Variants in TNKS observed in about 807,000 individuals in gnomAD.
TNKS encodes poly [ADP-ribose] polymerase tankyrase-1.
Under a neutral mutation model 135.8 loss-of-function variants are expected in TNKS, and 72 were observed. That is an observed-to-expected ratio of 0.53 (90% CI 0.44 to 0.64). The LOEUF (loss-of-function observed/expected upper bound fraction) is 0.64. Ranked by LOEUF, TNKS falls within the 30% of genes least tolerant of loss-of-function variation. The probability of loss-of-function intolerance (pLI) is 0.00; values close to 1 mark genes in which losing one functional copy is unlikely to be tolerated. For missense variants in TNKS, 1,769 were observed against 1,674.0 expected (o/e 1.06, Z -0.99); for synonymous variants, 849 against 649.3 (o/e 1.31, Z -4.68).
At chr8:9,569,859 T>A (rs939192857) in intron 1 of TNKS, among the ~76,000 whole-genome samples, 1 of 151,974 alleles carries the variant, frequency 6.6e-6, no homozygotes, top group Admixed American at 6.5e-5. Context: ...TTTCCTGGCT[T>A]GTTTTAAAAT....
chr8:9,555,953 G>C lies in TNKS; in HGVS notation c.14G>C (p.Arg5Pro). Residue 5 changes from arginine (R) to proline (P), a missense_variant, in exon 1 of 27, where the codon CGT becomes CCT. Physicochemically the swap from Arg to Pro is moderately radical, Grantham distance 103. Around this residue, in one of 5 missense-constraint regions of TNKS, gnomAD observed 450 missense variants for 304.9 expected, o/e 1.48. Coordinates refer to ENST00000310430, the MANE Select transcript of TNKS (RefSeq NM_003747.3). Reference sequence around the variant, plus strand: ...GGGAGTCCGAAGATGGCGGCGTCGCGTCGCTCTCAGCATCATCACCACCAT... The same window carrying C: ...GGGAGTCCGAAGATGGCGGCGTCGCCTCGCTCTCAGCATCATCACCACCAT... MAAS[R>P]RSQHHHHHHQ... 2.5e-6 allele frequency: 4 copies of C among 1,611,862 alleles called. No homozygotes were observed. The highest frequency in any genetic ancestry group is 3.4e-6 in the Non-Finnish European group (4 of 1,179,318).
chr8:9,706,738 A>G (rs1804065318), intron 7 of TNKS, 73 bp from the exon 8 acceptor site: 7 of 1,410,356 alleles, frequency 5.0e-6, no homozygotes, highest in Non-Finnish European at 6.8e-6. Flanking sequence ...TTACAAAGAA[A>G]TAAATGTCTT....
chr8:9,735,538 C>T lies in TNKS; in HGVS notation c.2643+52C>T, dbSNP rs375944228. On this transcript the variant is annotated intron_variant, in intron 17 of 26. Coordinates refer to ENST00000310430, the MANE Select transcript of TNKS (RefSeq NM_003747.3). ...AAAACTGACCGCACGCGGTGGCTCA[C>T]GCCTGTAATCCCAGCACTTTAGGAG... 111 of 1,418,784 alleles carry T rather than the reference C, an allele frequency of 7.8e-5. No homozygotes were observed. The African/African-American group carries it at 9.9e-4, about 13-fold the overall frequency. The allele number at this position is 1,418,784 out of a possible 1,614,324, so 87.9% of individuals were successfully genotyped here. A position where few individuals can be genotyped will look rare whatever the true frequency, so the allele number is the denominator to read the frequency against.
At chr8:9,744,479 C>G (rs1450977947) in intron 17 of TNKS, among the ~76,000 whole-genome samples, 1 of 152,194 alleles carries the variant, frequency 6.6e-6, no homozygotes, top group East Asian at 1.9e-4. Context: ...TCTCTTTCCC[C>G]TACTTCCCAC....
At chr8:9,673,532 C>T (rs1243565931) in intron 3 of TNKS, among the ~76,000 whole-genome samples, 3 of 149,430 alleles carry the variant, frequency 2.0e-5, no homozygotes, top group Admixed American at 6.7e-5. Context: ...GCAACCTCTG[C>T]CTCCCAGGTT....
chr8:9,740,158 G>C (rs71516536), intron 17 of TNKS, among the ~76,000 whole-genome samples: 3 of 151,028 alleles, frequency 2.0e-5, no homozygotes, highest in Middle Eastern at 3.4e-3. Flanking sequence ...CCTTGATGCC[G>C]TATGTCAGAA....
intron 3 of TNKS, among the ~76,000 whole-genome samples, chr8:9,634,626 C>G (rs1168096936): frequency 6.6e-6 from 1 of 152,112 alleles, no homozygotes; most frequent in African/African-American, 2.4e-5. Flanking sequence ...AGGGGGAAGA[C>G]AGAGGAGAAA....
At chr8:9,703,696 G>A (rs1217567292) in intron 5 of TNKS, among the ~76,000 whole-genome samples, 1 of 152,140 alleles carries the variant, frequency 6.6e-6, no homozygotes, top group Non-Finnish European at 1.5e-5. Context: ...TGGAATAGGT[G>A]AAGCAAATAA....
chr8:9,736,081 A>C (rs1388495552), intron 17 of TNKS, among the ~76,000 whole-genome samples: 1 of 71,566 alleles, frequency 1.4e-5, no homozygotes, highest in Non-Finnish European at 3.5e-5. Flanking sequence ...CAATATTGTA[A>C]TATAATATAT....
intron 2 of TNKS, among the ~76,000 whole-genome samples, chr8:9,589,874 T>A (rs1487923369): frequency 6.6e-6 from 1 of 152,256 alleles, no homozygotes; most frequent in African/African-American, 2.4e-5. Context: ...GATAATATGT[T>A]TCTATAGCTG....
chr8:9,601,733 C>CA (rs529715602), intron 2 of TNKS, among the ~76,000 whole-genome samples: 3 of 152,008 alleles, frequency 2.0e-5, no homozygotes, highest in Non-Finnish European at 4.4e-5. Context: ...AGTCAGTACT[C>CA]AAAGATATAT....
chr8:9,707,525 A>G (rs766987172), intron 8 of TNKS, among the ~76,000 whole-genome samples: 35 of 152,192 alleles, frequency 2.3e-4, no homozygotes, highest in Admixed American at 1.1e-3. Context: ...CATGTGTGTT[A>G]TGACCCAAGT....
chr8:9,722,068 AAG>A (rs201692431), intron 12 of TNKS, among the ~76,000 whole-genome samples: 98,615 of 145,056 alleles, frequency 0.68, 33,548 homozygotes, highest in Middle Eastern at 0.78. Flanking sequence ...ACAAAAAAAA[AAG>A]AAAAGAAAAG....
chr8:9,753,155 C>T (rs1053879900), intron 20 of TNKS, among the ~76,000 whole-genome samples: 1 of 152,074 alleles, frequency 6.6e-6, no homozygotes, highest in Admixed American at 6.5e-5. Context: ...TAGCACTATG[C>T]ATTTTATTAC....
At chr8:9,581,366 A>G (rs1798158769) in intron 2 of TNKS, among the ~76,000 whole-genome samples, 1 of 152,156 alleles carries the variant, frequency 6.6e-6, no homozygotes, top group Admixed American at 6.5e-5. Context: ...ATCCACTAAC[A>G]TGACCTTTGG....
chr8:9,563,702 G>A (rs975425607), intron 1 of TNKS, among the ~76,000 whole-genome samples: 8 of 151,816 alleles, frequency 5.3e-5, no homozygotes, highest in African/African-American at 1.9e-4. Flanking sequence ...CATGCTATAC[G>A]TTCATATCTT....
At chr8:9,753,441 A>G (rs902930366) in intron 20 of TNKS, among the ~76,000 whole-genome samples, 1 of 152,216 alleles carries the variant, frequency 6.6e-6, no homozygotes, top group Admixed American at 6.5e-5. Context: ...GACCCACCCT[A>G]TTTTGGGATC....
intron 2 of TNKS, among the ~76,000 whole-genome samples, chr8:9,603,291 G>A (rs1799089627): frequency 2.0e-5 from 3 of 152,120 alleles, no homozygotes; most frequent in Non-Finnish European, 4.4e-5. Context: ...CTGACCTGAA[G>A]TGATCCGCCC....
At chr8:9,589,401 G>A (rs1798504797) in intron 2 of TNKS, among the ~76,000 whole-genome samples, 1 of 152,212 alleles carries the variant, frequency 6.6e-6, no homozygotes, top group Non-Finnish European at 1.5e-5. Context: ...GTTGGAGACA[G>A]AAACACACCA....
Sources: gnomAD v4.1 joint callset for allele counts (sites outside exome capture counted in the v4.1 genomes callset) on GRCh38, gnomAD v4.1.1 for gene constraint, gnomAD v4.1.1 regional missense constraint, MANE v1.5 for transcripts, NCBI Gene and HGNC (gene_info 2026-07-23, HGNC 2026-07-21) for gene names.